The following XKR9 variants were observed in gnomAD, a reference collection of about 807,000 sequenced individuals.
XKR9 encodes the protein XK related 9, also known as XK-related protein 9.
A neutral mutation model predicts 32.0 loss-of-function variants in XKR9; 32 were observed. The ratio of observed to expected loss-of-function variants is 1.00; its 90% CI spans 0.76 to 1.34. The LOEUF (loss-of-function observed/expected upper bound fraction) is 1.34, where lower values mean the gene tolerates loss of function less well. Among genes scored for constraint, XKR9 ranks in the 40% most tolerant of loss-of-function variants. The pLI, the probability that XKR9 is intolerant of heterozygous loss-of-function variation, is 0.00. For synonymous variants in XKR9, 168 were observed against 143.4 expected (o/e 1.17, Z -1.22); for missense variants, 546 against 429.7 (o/e 1.27, Z -2.39).
chr8:70,712,558 G>A (rs1349675874), intron 4 of XKR9, among the ~76,000 whole-genome samples: 1 of 151,910 alleles, frequency 6.6e-6, no homozygotes, highest in African/African-American at 2.4e-5. Flanking sequence ...CCCTTCTCAG[G>A]GTAAGAGTAA....
intron 1 of XKR9, among the ~76,000 whole-genome samples, chr8:70,673,048 A>G (rs1818769096): frequency 6.6e-6 from 1 of 152,210 alleles, no homozygotes; most frequent in Admixed American, 6.5e-5. Flanking sequence ...TTTGCTGTGC[A>G]GAAACTTTTT....
chr8:70,751,594 T>C (rs542011586), intron 2 of XKR9, among the ~76,000 whole-genome samples: 22 of 152,294 alleles, frequency 1.4e-4, no homozygotes, highest in Admixed American at 3.3e-4. Flanking sequence ...GTAGGTACCA[T>C]ACGATCATTT....
intron 2 of XKR9, among the ~76,000 whole-genome samples, chr8:70,753,075 A>C (rs2130188297): frequency 6.6e-6 from 1 of 152,356 alleles, no homozygotes; most frequent in South Asian, 2.1e-4. Flanking sequence ...AAAAATGATA[A>C]AGGGGACATC....
At chr8:70,973,853 AT>A in the XKR9 span, among the ~76,000 whole-genome samples, 2 of 152,128 alleles carry the variant, frequency 1.3e-5, no homozygotes, top group African/African-American at 4.8e-5. Flanking sequence ...ATTTTTTAAA[AT>A]TTTTTGAGGC....
chr8:70,716,596 A>G (rs1806098624), intron 4 of XKR9, among the ~76,000 whole-genome samples: 1 of 151,908 alleles, frequency 6.6e-6, no homozygotes. Context: ...GGGGGAAACT[A>G]CCCCTATGAT....
At position 70,681,078 on chromosome 8, in the gene XKR9, A is replaced by C. The variant is rs1360025350; in HGVS notation, c.20A>C (p.Asn7Thr). ...TTCGTAATGAAATATACTAAACAGAATTTTATGATGTCAGTTCTTGGCATT... is the reference window on the plus strand; with the variant it reads ...TTCGTAATGAAATATACTAAACAGACTTTTATGATGTCAGTTCTTGGCATT... MKYTKQ[N>T]FMMSVLGIII... Residue 7 changes from asparagine to threonine, a missense_variant, in exon 3 of 5, where the codon AAT (asparagine) becomes ACT (threonine). Asn to Thr is a moderately conservative substitution (Grantham distance 65, BLOSUM62 0). Transcript: ENST00000408926. 1 of 1,612,260 alleles carries C rather than the reference A, an allele frequency of 6.2e-7. No individual in the cohort carries two copies. Among genetic ancestry groups the C allele is most frequent in the Admixed American group, 1.7e-5 (1 of 59,882 alleles).
At chr8:70,956,850 A>C in the XKR9 span, among the ~76,000 whole-genome samples, 1 of 152,170 alleles carries the variant, frequency 6.6e-6, no homozygotes, top group Non-Finnish European at 1.5e-5. Context: ...TCAAGCCTGC[A>C]GGGTCAGGGG....
intron 2 of XKR9, among the ~76,000 whole-genome samples, chr8:70,747,451 G>A (rs557651487): frequency 2.0e-5 from 3 of 152,126 alleles, no homozygotes; most frequent in East Asian, 3.9e-4. Flanking sequence ...AGTGGTACTG[G>A]TGGCTTTTTA....
intron 4 of XKR9, among the ~76,000 whole-genome samples, chr8:70,720,401 C>T (rs551611150): frequency 7.6e-4 from 116 of 152,138 alleles, no homozygotes; most frequent in Non-Finnish European, 1.3e-3. Context: ...ATGCTTCCAG[C>T]TTTTGCCCAT....
chr8:70,958,329 G>T, the XKR9 span, among the ~76,000 whole-genome samples: 64 of 152,142 alleles, frequency 4.2e-4, 1 homozygote, highest in Non-Finnish European at 1.2e-4. Context: ...CAGTGTAAAA[G>T]TCTTCCTATT....
At chr8:70,841,003 GT>G in the XKR9 span, among the ~76,000 whole-genome samples, 1 of 152,046 alleles carries the variant, frequency 6.6e-6, no homozygotes, top group Admixed American at 6.6e-5. Flanking sequence ...ACTAAAATAG[GT>G]ATATCATTAT....
At chr8:70,670,024 T>C (rs755100746) in intron 1 of XKR9, among the ~76,000 whole-genome samples, 12 of 152,230 alleles carry the variant, frequency 7.9e-5, no homozygotes, top group Non-Finnish European at 1.6e-4. Context: ...TACTTCCTAC[T>C]ATGCCTAAGT....
At chr8:70,850,194 G>A in the XKR9 span, among the ~76,000 whole-genome samples, 2 of 152,012 alleles carry the variant, frequency 1.3e-5, no homozygotes, top group Non-Finnish European at 2.9e-5. Flanking sequence ...GGGCACGGTG[G>A]CTCACACCTC....
At chr8:71,050,250 T>TAGATAG in the XKR9 span, among the ~76,000 whole-genome samples, 68 of 131,976 alleles carry the variant, frequency 5.2e-4, 2 homozygotes, top group African/African-American at 2.1e-3. Flanking sequence ...TATATATATA[T>TAGATAG]ATATATATAT....
the XKR9 span, among the ~76,000 whole-genome samples, chr8:70,824,343 T>C: frequency 6.6e-6 from 1 of 152,164 alleles, no homozygotes; most frequent in Non-Finnish European, 1.5e-5. Context: ...ATTTCTGTAG[T>C]ATAAGTTAAG....
At chr8:70,783,973 G>A (rs540768298) in intron 2 of XKR9, among the ~76,000 whole-genome samples, 1 of 152,206 alleles carries the variant, frequency 6.6e-6, no homozygotes, top group South Asian at 2.1e-4. Context: ...TTTTTCCAAT[G>A]CGTGTCCTTA....
At chr8:70,714,683 G>A (rs1349247519) in intron 4 of XKR9, among the ~76,000 whole-genome samples, 1 of 152,100 alleles carries the variant, frequency 6.6e-6, no homozygotes, top group Admixed American at 6.6e-5. Context: ...GGTATTTGAA[G>A]ATTTTTTTTA....
At chr8:70,993,622 CT>C in the XKR9 span, among the ~76,000 whole-genome samples, 1 of 96,262 alleles carries the variant, frequency 1.0e-5, no homozygotes, top group Admixed American at 1.1e-4. Context: ...TCCTTCCTTC[CT>C]TCCTTCCTTC....
chr8:71,010,526 C>G, the XKR9 span, among the ~76,000 whole-genome samples: 1 of 152,168 alleles, frequency 6.6e-6, no homozygotes, highest in South Asian at 2.1e-4. Context: ...AAGCTCTTCT[C>G]CTTTCCTATT....
Sources: gnomAD v4.1 joint callset for allele counts (sites outside exome capture counted in the v4.1 genomes callset) on GRCh38, gnomAD v4.1.1 for gene constraint, MANE v1.5 for transcripts, NCBI Gene and HGNC (gene_info 2026-07-23, HGNC 2026-07-21) for gene names.